KCNIP4: variants seen among roughly 807,000 people sequenced by gnomAD.
KCNIP4 encodes potassium voltage-gated channel interacting protein 4, also known as Kv channel-interacting protein 4.
In KCNIP4, 12 loss-of-function variants were observed where a neutral mutation model predicts 34.0. The observed-to-expected ratio is 0.35, with a 90% CI of 0.23 to 0.57. The LOEUF (loss-of-function observed/expected upper bound fraction) is 0.57, where lower values mean the gene tolerates loss of function less well. KCNIP4 is among the 20% of genes least tolerant of loss of function. The pLI is 0.83. For synonymous variants in KCNIP4, 124 were observed against 102.2 expected (o/e 1.21, Z -1.29); for missense variants, 238 against 311.7 (o/e 0.76, Z 1.78).
At chr4:21,587,200 T>C (rs1741691976) in intron 1 of KCNIP4, among the ~76,000 whole-genome samples, 1 of 152,062 alleles carries the variant, frequency 6.6e-6, no homozygotes, top group South Asian at 2.1e-4. Context: ...GGCAGATGTG[T>C]TTAAAATCCC....
chr4:21,324,619 T>TA (rs144461084), intron 1 of KCNIP4, among the ~76,000 whole-genome samples: 10,972 of 152,024 alleles, frequency 0.072, 440 homozygotes, highest in Middle Eastern at 0.12. Flanking sequence ...TGTCTGTTTT[T>TA]ATGCCAGTGC....
chr4:21,710,020 G>T (rs531653998), intron 1 of KCNIP4, among the ~76,000 whole-genome samples: 7 of 152,312 alleles, frequency 4.6e-5, no homozygotes, highest in Admixed American at 3.3e-4. Context: ...GCCCACATTG[G>T]CATGCCCTGC....
At chr4:21,257,927 A>G (rs913287937) in intron 1 of KCNIP4, among the ~76,000 whole-genome samples, 4 of 152,192 alleles carry the variant, frequency 2.6e-5, no homozygotes, top group Non-Finnish European at 5.9e-5. Context: ...GCAGCTATGC[A>G]AAGTAGCAAG....
intron 1 of KCNIP4, among the ~76,000 whole-genome samples, chr4:21,810,316 T>C (rs1042163136): frequency 2.0e-5 from 3 of 152,126 alleles, no homozygotes; most frequent in Non-Finnish European, 2.9e-5. Flanking sequence ...CTCCAAGAAG[T>C]GTGATCTCTC....
intron 1 of KCNIP4, chr4:21,850,113 T>A (rs1578067805): frequency 1.3e-5 from 2 of 150,204 alleles, no homozygotes; most frequent in African/African-American, 4.9e-5. Context: ...CAAATAACTT[T>A]AAAAGCTAAA....
intron 1 of KCNIP4, among the ~76,000 whole-genome samples, chr4:21,150,979 T>C (rs1183664393): frequency 6.6e-6 from 1 of 152,230 alleles, no homozygotes; most frequent in Non-Finnish European, 1.5e-5. Flanking sequence ...TATCTTGTTA[T>C]CACTCAGTTT....
At chr4:20,969,335 G>T (rs923565360) in intron 1 of KCNIP4, among the ~76,000 whole-genome samples, 1 of 152,094 alleles carries the variant, frequency 6.6e-6, no homozygotes, top group African/African-American at 2.4e-5. Context: ...TGGTTTAAAA[G>T]CCATTAGCAT....
intron 2 of KCNIP4, among the ~76,000 whole-genome samples, chr4:20,866,369 A>G (rs1722876201): frequency 6.6e-6 from 1 of 152,130 alleles, no homozygotes; most frequent in Non-Finnish European, 1.5e-5. Flanking sequence ...AAATCAATAA[A>G]TGTGATTCAC....
In KCNIP4 at chr4:21,339,556, G is replaced by C. The variant is rs144996088; in HGVS notation, c.62-456847C>G. Among the ~76,000 whole-genome samples the C allele has an allele frequency of 3.5e-3, 539 of 152,278 alleles. 1 individual carries two copies. The highest frequency in any genetic ancestry group is 0.012 in the African/African-American group (505 of 41,560). On this transcript the variant is annotated intron_variant, in intron 1 of 8. Coordinates refer to ENST00000382152, the MANE Select transcript of KCNIP4 (RefSeq NM_025221.6). ...AACAATTTCCTGAATATAGGTAATA[G>C]ACCTAACTATGGGATCTGAAGTGGG...
intron 1 of KCNIP4, among the ~76,000 whole-genome samples, chr4:21,841,800 T>C (rs1723704560): frequency 1.3e-5 from 2 of 152,202 alleles, no homozygotes; most frequent in Middle Eastern, 3.2e-3. Flanking sequence ...AAGGATTAGT[T>C]GTTTATAAAA....
At chr4:21,046,552 A>G (rs1449426631) in intron 1 of KCNIP4, among the ~76,000 whole-genome samples, 2 of 133,556 alleles carry the variant, frequency 1.5e-5, no homozygotes, top group Admixed American at 7.4e-5. Context: ...ATAAAGAGAA[A>G]CTGTTGAGGG....
At chr4:20,987,209 G>A (rs2149700449) in intron 1 of KCNIP4, among the ~76,000 whole-genome samples, 1 of 152,262 alleles carries the variant, frequency 6.6e-6, no homozygotes, top group Non-Finnish European at 1.5e-5. Context: ...GGGGAACATA[G>A]TGAGACTCTA....
chr4:21,854,753 C>G (rs950454251), intron 1 of KCNIP4, among the ~76,000 whole-genome samples: 1 of 152,194 alleles, frequency 6.6e-6, no homozygotes, highest in Non-Finnish European at 1.5e-5. Context: ...GGAAACCAGG[C>G]CCTTCTTTCC....
chr4:21,762,948 C>T, intron 1 of KCNIP4: 1 of 1,288,818 alleles, frequency 7.8e-7, no homozygotes, highest in Non-Finnish European at 1.0e-6. Flanking sequence ...GCTCCCACTT[C>T]CGAAGTCTCC....
At chr4:20,819,918 T>A (rs1332808485) in intron 3 of KCNIP4, among the ~76,000 whole-genome samples, 1 of 152,222 alleles carries the variant, frequency 6.6e-6, no homozygotes, top group Non-Finnish European at 1.5e-5. Context: ...AGAACTGTGA[T>A]AAATAAATTT....
chr4:21,554,490 G>A (rs191492461), intron 1 of KCNIP4, among the ~76,000 whole-genome samples: 2 of 152,186 alleles, frequency 1.3e-5, no homozygotes, highest in Admixed American at 6.6e-5. Flanking sequence ...TAATATCCTC[G>A]AATAATTGCT....
intron 1 of KCNIP4, among the ~76,000 whole-genome samples, chr4:21,246,071 G>T (rs534544717): frequency 6.6e-6 from 1 of 152,184 alleles, no homozygotes; most frequent in Admixed American, 6.5e-5. Context: ...TGTAGAACAC[G>T]ATAGCTAATT....
At chr4:20,929,274 A>G (rs555713847) in intron 1 of KCNIP4, among the ~76,000 whole-genome samples, 1 of 152,160 alleles carries the variant, frequency 6.6e-6, no homozygotes, top group African/African-American at 2.4e-5. Context: ...GATGAAAGAT[A>G]AAAAACACAG....
chr4:20,866,220 A>G (rs1245534239), intron 2 of KCNIP4, among the ~76,000 whole-genome samples: 3 of 152,030 alleles, frequency 2.0e-5, no homozygotes, highest in Middle Eastern at 3.2e-3. Context: ...AAAATTTCAG[A>G]CAAATATCCC....
Sources: allele counts gnomAD v4.1 joint callset (sites outside exome capture counted in the v4.1 genomes callset), GRCh38; gene constraint gnomAD v4.1.1; transcripts MANE v1.5; gene names NCBI Gene and HGNC (gene_info 2026-07-23, HGNC 2026-07-21).